VASN: variants seen among roughly 807,000 people sequenced by gnomAD.
VASN encodes protein slit-like 2.
Under a neutral mutation model 4.8 loss-of-function variants are expected in VASN, and 5 were observed. The observed-to-expected ratio is 1.03, with a 90% CI of 0.54 to 2.17. The LOEUF (loss-of-function observed/expected upper bound fraction) is 2.17. Ranked by LOEUF, VASN falls within the 30% of genes most tolerant of loss-of-function variation. VASN has a pLI of 0.01. For synonymous variants in VASN, 499 were observed against 460.8 expected, an observed-to-expected ratio of 1.08 and a Z score of -1.06; for missense variants, 927 against 948.8, an observed-to-expected ratio of 0.98 and a Z score of 0.30.
At chr16:4,376,325 T>C (rs570041182) in intron 1 of VASN, among the ~76,000 whole-genome samples, 1 of 152,164 alleles carries the variant, frequency 6.6e-6, no homozygotes, top group East Asian at 1.9e-4. Context: ...CCTGGAGGGG[T>C]TGGCAGACTC....
chr16:4,372,731 C>T (rs899615985), intron 1 of VASN, among the ~76,000 whole-genome samples: 19 of 152,142 alleles, frequency 1.2e-4, no homozygotes, highest in Admixed American at 1.1e-3. Flanking sequence ...GCAGGCCAGC[C>T]GATTGGTGCC....
rs764617387 is a variant in VASN at position 4,381,386 on chromosome 16, G to A, written c.509G>A (p.Arg170His). The A allele has an allele frequency of 5.7e-6, 9 of 1,587,934 alleles. No individual in the cohort carries two copies. Among genetic ancestry groups the A allele is most frequent in the South Asian group, 2.3e-5 (2 of 88,266 alleles). The change falls in exon 2 of 2, where the codon CGC (arginine) becomes CAC (histidine). Residue 170 changes from arginine (R) to histidine (H), a missense_variant. Coordinates refer to ENST00000304735, the MANE Select transcript of VASN (RefSeq NM_138440.3). ...GCACTGCCCCCGCTGCGCCTGCCCC[G>A]CCTGCTGCTGCTGGACCTCAGCCAC... ...LRALPPLRLP[R>H]LLLLDLSHNS...
intron 1 of VASN, among the ~76,000 whole-genome samples, chr16:4,379,654 C>T (rs945518047): frequency 6.6e-6 from 1 of 152,054 alleles, no homozygotes; most frequent in Non-Finnish European, 1.5e-5. Context: ...GTCCTTCCCA[C>T]TTCGCTGGCA....
At chr16:4,374,531 G>A (rs2054649877) in intron 1 of VASN, among the ~76,000 whole-genome samples, 2 of 152,172 alleles carry the variant, frequency 1.3e-5, no homozygotes, top group Admixed American at 6.5e-5. Context: ...AAGGAGGGAG[G>A]AGGGAGCCGG....
At position 4,382,648 on chromosome 16, in the gene VASN, G is replaced by C. The variant is rs1482843594; in HGVS notation, c.1771G>C (p.Ala591Pro). Reference sequence around the variant, plus strand: ...GGCCGCGGTGCTCCTGGCCGCGCTGGCTGCGGTGGGGGCAGCCTACTGTGT... The same window carrying C: ...GGCCGCGGTGCTCCTGGCCGCGCTGCCTGCGGTGGGGGCAGCCTACTGTGT... ...ALAAVLLAALAAVGAAYCVRR... is the reference protein window; with the variant it reads ...ALAAVLLAALPAVGAAYCVRR... Residue 591 changes from alanine (A) to proline (P), a missense_variant, in exon 2 of 2, where the codon GCT becomes CCT. Transcript: ENST00000304735. 6.4e-7 allele frequency: 1 copy of C among 1,555,406 alleles called. No individual in the cohort carries two copies. The highest frequency in any genetic ancestry group is 1.2e-5 in the South Asian group (1 of 85,112).
rs754972426 is a variant in VASN, at chr16:4,381,818, G to A, written c.941G>A (p.Arg314His). 58 of 1,600,572 alleles carry A rather than the reference G, an allele frequency of 3.6e-5. No individual in the cohort carries two copies. Among genetic ancestry groups the A allele is most frequent in the Middle Eastern group, 1.6e-4 (1 of 6,084 alleles). The change falls in exon 2 of 2, where the codon CGC becomes CAC. Residue 314 changes from arginine to histidine, a missense_variant. By Grantham distance (29) the Arg-to-His change is conservative. Coordinates refer to ENST00000304735, the MANE Select transcript of VASN (RefSeq NM_138440.3). Reference sequence around the variant, plus strand: ...CTGAGCTGGTTTGGCCCCTGGGTGCGCGAGAGCCACGTCACACTGGCCAGC... The same window carrying A: ...CTGAGCTGGTTTGGCCCCTGGGTGCACGAGAGCCACGTCACACTGGCCAGC... ...CPLSWFGPWV[R>H]ESHVTLASPE...
rs369502287 is a variant in VASN at position 4,382,629 on chromosome 16, G to A, written c.1752G>A (p.Ala584=). The A allele has an allele frequency of 4.0e-5, 62 of 1,568,710 alleles. No individual in the cohort carries two copies. The highest frequency in any genetic ancestry group is 2.9e-4 in the East Asian group (12 of 42,076). The part of the protein sequence containing the change: ...LPLLIAPALA[A]VLLAALAAVG... ...TCCTCATTGCGCCCGCCCTGGCCGC[G>A]GTGCTCCTGGCCGCGCTGGCTGCGG... is the stretch of plus-strand genomic sequence containing the variant. The change falls in exon 2 of 2, where the codon GCG becomes GCA. Residue 584 remains alanine, a synonymous_variant. Coordinates refer to ENST00000304735, the MANE Select transcript of VASN (RefSeq NM_138440.3).
At position 4,382,511 on chromosome 16, in the gene VASN, A is replaced by T. The variant is rs974963282; in HGVS notation, c.1634A>T (p.Glu545Val). Residue 545 changes from glutamate (E) to valine (V), a missense_variant, in exon 2 of 2, where the codon GAG (glutamate) becomes GTG (valine). Glu to Val is a moderately radical substitution (Grantham distance 121). Transcript: ENST00000304735. ...VMPLGPGRVPEGEEACGEAHT... is the reference protein window; with the variant it reads ...VMPLGPGRVPVGEEACGEAHT... The stretch of plus-strand genomic sequence containing the variant: ...CCTTTGGGGCCCGGGCGGGTGCCGG[A>T]GGGCGAGGAGGCCTGCGGGGAGGCC... 1 of 1,591,484 alleles carries T rather than the reference A, an allele frequency of 6.3e-7. No homozygotes were observed. Among genetic ancestry groups the T allele is most frequent in the Admixed American group, 1.7e-5 (1 of 57,572 alleles).
rs377240250 is a variant in VASN at position 4,380,872 on chromosome 16, C to T, written c.-6C>T. On this transcript the variant is annotated 5_prime_UTR_variant, in exon 2 of 2. Coordinates refer to ENST00000304735, the MANE Select transcript of VASN (RefSeq NM_138440.3). ...TCTGCCTCCTCTCTGCTCCCAGGGA[C>T]AGAAGATGTGCTCCAGGGTCCCTCT... 3.2e-5 allele frequency: 49 copies of T among 1,512,660 alleles called. No homozygotes were observed. Among genetic ancestry groups the T allele is most frequent in the African/African-American group, 1.4e-5 (1 of 72,348 alleles). 93.7% of individuals were successfully genotyped at this position (1,512,660 alleles called of 1,614,324 possible). A position where few individuals can be genotyped will look rare whatever the true frequency, so the allele number is the denominator to read the frequency against.
In VASN at chr16:4,382,484, T is replaced by G. The variant is rs1483169915; in HGVS notation, c.1607T>G (p.Met536Arg). 2 of 1,602,978 alleles carry G rather than the reference T, an allele frequency of 1.2e-6. No homozygotes were observed. The highest frequency in any genetic ancestry group is 1.1e-5 in the South Asian group (1 of 89,772). The change falls in exon 2 of 2, where the codon ATG becomes AGG. Residue 536 changes from methionine (M) to arginine (R), a missense_variant. Physicochemically the swap from Met to Arg is moderately conservative, Grantham distance 91. Coordinates refer to ENST00000304735, the MANE Select transcript of VASN (RefSeq NM_138440.3). The part of the protein sequence containing the change: ...RPNATYSVCV[M>R]PLGPGRVPEG... ...AACGCCACTTACTCCGTCTGTGTCATGCCTTTGGGGCCCGGGCGGGTGCCG... is the reference window on the plus strand; with the variant it reads ...AACGCCACTTACTCCGTCTGTGTCAGGCCTTTGGGGCCCGGGCGGGTGCCG...
intron 1 of VASN, among the ~76,000 whole-genome samples, chr16:4,377,561 G>C (rs1391646390): frequency 6.6e-6 from 1 of 152,190 alleles, no homozygotes; most frequent in Non-Finnish European, 1.5e-5. Flanking sequence ...AACTCCAGAG[G>C]TGAGAAACTG....
rs1320051366 is a variant in VASN at position 4,381,109 on chromosome 16, C to T, written c.232C>T (p.Leu78=). 2.5e-6 allele frequency: 4 copies of T among 1,609,130 alleles called. No individual in the cohort carries two copies. Among genetic ancestry groups the T allele is most frequent in the Non-Finnish European group, 3.4e-6 (4 of 1,178,534 alleles). ...DAGSFAGLPG[L]QLLDLSQNQI... ...AGGCAGCTTTGCCGGCCTGCCGGGC[C>T]TGCAGCTCCTGGACCTGTCACAGAA... The change falls in exon 2 of 2, where the codon CTG becomes TTG. Residue 78 remains leucine (L), a synonymous_variant. Transcript: ENST00000304735.
chr16:4,380,797 C>T (rs781555384), intron 1 of VASN, 72 bp from the exon 2 acceptor site: 22 of 1,393,658 alleles, frequency 1.6e-5, no homozygotes, highest in Non-Finnish European at 2.1e-5. Context: ...TTCCCTCTGG[C>T]TCTTCCTGGC....
Position 4,382,353 on chromosome 16 carries a change from G to T in VASN, c.1476G>T (p.Arg492Ser). The T allele has an allele frequency of 1.2e-6, 2 of 1,612,050 alleles. No homozygotes were observed. Among genetic ancestry groups the T allele is most frequent in the Non-Finnish European group, 1.7e-6 (2 of 1,179,660 alleles). Residue 492 changes from arginine to serine, a missense_variant, in exon 2 of 2, where the codon AGG becomes AGT. Arg to Ser is a moderately radical substitution (Grantham distance 110). Coordinates refer to ENST00000304735, the MANE Select transcript of VASN (RefSeq NM_138440.3). The stretch of plus-strand genomic sequence containing the variant: ...TCCAGGGGAGCTCCGTGCAGCTCAG[G>T]AGCCTCCGTCTCACCTATCGCAACC... ...RYLQGSSVQLRSLRLTYRNLS... is the reference protein window; with the variant it reads ...RYLQGSSVQLSSLRLTYRNLS...
At chr16:4,378,007 C>T (rs1004147515) in intron 1 of VASN, among the ~76,000 whole-genome samples, 10 of 152,200 alleles carry the variant, frequency 6.6e-5, no homozygotes, top group African/African-American at 2.4e-4. Context: ...CCTCTCCCTT[C>T]ACAACCTTGC....
chr16:4,374,016 C>CT (rs1467339153), intron 1 of VASN, among the ~76,000 whole-genome samples: 1 of 152,174 alleles, frequency 6.6e-6, no homozygotes, highest in East Asian at 1.9e-4. Context: ...AGGCTCTGTG[C>CT]TGCCAAGAAA....
chr16:4,377,236 C>T (rs992028238), intron 1 of VASN, among the ~76,000 whole-genome samples: 3 of 152,038 alleles, frequency 2.0e-5, no homozygotes. Context: ...TCCCCGAATC[C>T]CAGGAATCCC....
chr16:4,373,652 G>C (rs1232424893), intron 1 of VASN, among the ~76,000 whole-genome samples: 1 of 152,168 alleles, frequency 6.6e-6, no homozygotes, highest in Non-Finnish European at 1.5e-5. Context: ...TCCCATTACT[G>C]TCACCCCCAC....
chr16:4,381,887 G>A lies in VASN; in HGVS notation c.1010G>A (p.Arg337Gln), dbSNP rs752532211. The change falls in exon 2 of 2, where the codon CGG becomes CAG. Residue 337 changes from arginine (R) to glutamine (Q), a missense_variant. Transcript: ENST00000304735. The stretch of plus-strand genomic sequence containing the variant: ...CACTTCCCGCCCAAGAACGCTGGCC[G>A]GCTGCTCCTGGAGCTTGACTACGCC... ...RCHFPPKNAG[R>Q]LLLELDYADF... 1.7e-5 allele frequency: 27 copies of A among 1,604,878 alleles called. No homozygotes were observed. The highest frequency in any genetic ancestry group is 4.0e-5 in the African/African-American group (3 of 74,908).
Sources: gnomAD v4.1 joint callset for allele counts (sites outside exome capture counted in the v4.1 genomes callset) on GRCh38, gnomAD v4.1.1 for gene constraint, MANE v1.5 for transcripts, NCBI Gene and HGNC (gene_info 2026-07-23, HGNC 2026-07-21) for gene names.